Variants in SVOPL observed in about 807,000 individuals in gnomAD.
The protein encoded by SVOPL is SVOP like.
A neutral mutation model predicts 61.0 loss-of-function variants in SVOPL; 60 were observed. That is an observed-to-expected ratio of 0.98 (90% CI 0.80 to 1.22). The LOEUF is 1.22. SVOPL is among the 50% of genes most tolerant of loss of function. SVOPL has a pLI of 0.00. For missense variants in SVOPL, 662 were observed against 643.9 expected, an observed-to-expected ratio of 1.03 and a Z score of -0.30; for synonymous variants, 279 against 250.0, an observed-to-expected ratio of 1.12 and a Z score of -1.09.
rs1801014114 is a variant in SVOPL, at chr7:138,644,819, A to G, written c.687T>C (p.Asn229=). ...CAGCCCGAGTGTTCCCAGTGGAGAC[A>G]TTGAACCGGGCAGATTCAGGAATAA... is the stretch of plus-strand genomic sequence containing the variant. The part of the protein sequence containing the change: ...FKFIPESARF[N]VSTGNTRAAL... The change falls in exon 9 of 16, where the codon AAT becomes AAC. Residue 229 remains asparagine, a synonymous_variant. Coordinates refer to ENST00000674285, the MANE Select transcript of SVOPL (RefSeq NM_001139456.2). The G allele has an allele frequency of 2.5e-6, 4 of 1,614,204 alleles. No homozygotes were observed. Among genetic ancestry groups the G allele is most frequent in the Non-Finnish European group, 3.4e-6 (4 of 1,180,038 alleles).
chr7:138,680,571 TTGTGTGTGTGTG>T (rs60027714), intron 1 of SVOPL, among the ~76,000 whole-genome samples: 2 of 148,012 alleles, frequency 1.4e-5, no homozygotes, highest in Non-Finnish European at 3.0e-5. Context: ...ACACAGACTT[TTGTGTGTGTGTG>T]TGTGTGTGTG....
chr7:138,691,869 T>A (rs957564404), intron 1 of SVOPL, among the ~76,000 whole-genome samples: 10 of 151,898 alleles, frequency 6.6e-5, no homozygotes, highest in African/African-American at 1.5e-4. Flanking sequence ...AATTTAATTT[T>A]ATTTATTTTT....
At chr7:138,652,737 G>A (rs1801502866) in intron 7 of SVOPL, among the ~76,000 whole-genome samples, 1 of 151,998 alleles carries the variant, frequency 6.6e-6, no homozygotes, top group African/African-American at 2.4e-5. Context: ...TGATGCTCCT[G>A]CCTCAGTCTC....
At chr7:138,675,148 C>T (rs568993256) in intron 3 of SVOPL, among the ~76,000 whole-genome samples, 1 of 151,772 alleles carries the variant, frequency 6.6e-6, no homozygotes, top group Non-Finnish European at 1.5e-5. Context: ...AGCCTATAAT[C>T]CCAGCACTTT....
intron 14 of SVOPL, among the ~76,000 whole-genome samples, chr7:138,620,129 T>TTTTG (rs1799493728): frequency 6.9e-6 from 1 of 144,880 alleles, no homozygotes; most frequent in African/African-American, 2.5e-5. Context: ...GTTTTGTTTT[T>TTTTG]TTTTTTTTTT....
In SVOPL at chr7:138,628,289, C is replaced by G. The variant is rs1304860405; in HGVS notation, c.938G>C (p.Gly313Ala). ...CACCACCGCAGAGTCTGACTTTGAA[C>G]CACAGACCAAGTCCCGCTCCAGCAG... ...AELLERDLVC[G>A]SKSDSAVVVT... is the part of the protein sequence containing the mutation. The change falls in exon 11 of 16, where the codon GGT (glycine) becomes GCT (alanine). Residue 313 changes from glycine (G) to alanine (A), a missense_variant. Gly to Ala is a moderately conservative substitution (Grantham distance 60, BLOSUM62 0). Coordinates refer to ENST00000674285, the MANE Select transcript of SVOPL (RefSeq NM_001139456.2). The G allele has an allele frequency of 1.9e-6, 3 of 1,614,180 alleles. No individual in the cohort carries two copies. In the Admixed American group the frequency reaches 5.0e-5, roughly 27 times the overall value.
intron 13 of SVOPL, among the ~76,000 whole-genome samples, chr7:138,623,303 TAA>T (rs963805966): frequency 1.3e-5 from 2 of 151,906 alleles, no homozygotes; most frequent in African/African-American, 2.4e-5. Flanking sequence ...AAAAACAATA[TAA>T]AAAATAAAAT....
intron 13 of SVOPL, among the ~76,000 whole-genome samples, chr7:138,622,317 CAG>C (rs1053907507): frequency 2.7e-5 from 2 of 73,738 alleles, no homozygotes; most frequent in African/African-American, 9.6e-5. Flanking sequence ...TATCTATCGA[CAG>C]AGTCTCACTC....
At chr7:138,677,186 G>A (rs918643645) in intron 3 of SVOPL, among the ~76,000 whole-genome samples, 1 of 152,102 alleles carries the variant, frequency 6.6e-6, no homozygotes, top group Non-Finnish European at 1.5e-5. Context: ...TTACAGGCGT[G>A]AGCCACTGCG....
chr7:138,680,571 T>TTGTGTGTGTGTG (rs60027714), intron 1 of SVOPL, among the ~76,000 whole-genome samples: 5 of 148,012 alleles, frequency 3.4e-5, no homozygotes, highest in African/African-American at 9.9e-5. Flanking sequence ...ACACAGACTT[T>TTGTGTGTGTGTG]TGTGTGTGTG....
intron 4 of SVOPL, among the ~76,000 whole-genome samples, chr7:138,668,205 C>G (rs118156375): frequency 6.6e-6 from 1 of 152,130 alleles, no homozygotes; most frequent in East Asian, 1.9e-4. Flanking sequence ...TCTAACCCAC[C>G]TAATCAGCAC....
At chr7:138,664,346 T>A in intron 4 of SVOPL, 1 of 620,156 alleles carries the variant, frequency 1.6e-6, no homozygotes. Flanking sequence ...TGGCCCTCCA[T>A]CGGGCGTGCG....
intron 3 of SVOPL, among the ~76,000 whole-genome samples, chr7:138,672,349 T>C (rs1238142848): frequency 1.3e-5 from 2 of 152,168 alleles, no homozygotes; most frequent in African/African-American, 2.4e-5. Context: ...CCCAAAAATT[T>C]GTGACACATA....
In SVOPL at chr7:138,678,458, G is replaced by C. The variant is rs1802624511; in HGVS notation, c.150C>G (p.Leu50=). 6.4e-7 allele frequency: 1 copy of C among 1,551,984 alleles called. No homozygotes were observed. The highest frequency in any genetic ancestry group is 2.4e-5 in the East Asian group (1 of 40,918). ...CCCCAGTACTGCCCATGATCAGAAAGAGGGCAATGTGGAAACGCCCGAAGC... is the reference window on the plus strand; with the variant it reads ...CCCCAGTACTGCCCATGATCAGAAACAGGGCAATGTGGAAACGCCCGAAGC... ...TIGFGRFHIA[L]FLIMGSTGVV... Residue 50 remains leucine, a synonymous_variant, in exon 3 of 16, where the codon CTC becomes CTG. Transcript: ENST00000674285.
intron 8 of SVOPL, chr7:138,645,718 C>T (rs555564673): frequency 3.6e-5 from 6 of 165,174 alleles, no homozygotes; most frequent in South Asian, 1.6e-4. Context: ...TCAGGCTCCC[C>T]GCCATGGTTC....
chr7:138,615,801 G>GA (rs1799269556), intron 14 of SVOPL, among the ~76,000 whole-genome samples: 1 of 148,658 alleles, frequency 6.7e-6, no homozygotes, highest in African/African-American at 2.5e-5. Context: ...TCTGGGGGAG[G>GA]AAAAAAAAGA....
intron 14 of SVOPL, among the ~76,000 whole-genome samples, chr7:138,612,436 T>TAAA (rs60800575): frequency 3.4e-4 from 6 of 17,848 alleles, no homozygotes; most frequent in South Asian, 2.5e-3. Context: ...AAATAAAAAA[T>TAAA]AAAAAAAAAA....
intron 1 of SVOPL, chr7:138,689,627 G>A (rs976033785): frequency 3.4e-5 from 13 of 383,232 alleles, no homozygotes; most frequent in Non-Finnish European, 5.8e-5. Context: ...GGGAGGCTGA[G>A]GTGGGTGGAT....
intron 9 of SVOPL, among the ~76,000 whole-genome samples, chr7:138,639,776 A>G (rs1265281979): frequency 6.6e-6 from 1 of 152,182 alleles, no homozygotes; most frequent in Non-Finnish European, 1.5e-5. Flanking sequence ...CAGTGCGATC[A>G]TAGCTCACTG....
Sources: allele counts gnomAD v4.1 joint callset (sites outside exome capture counted in the v4.1 genomes callset), GRCh38; gene constraint gnomAD v4.1.1; transcripts MANE v1.5; gene names NCBI Gene and HGNC (gene_info 2026-07-23, HGNC 2026-07-21).